Variants in STARD13 observed in about 807,000 individuals in gnomAD.
The protein encoded by STARD13 is StAR related lipid transfer domain containing 13.
In STARD13, 62 loss-of-function variants were observed where a neutral mutation model predicts 106.4. The observed-to-expected ratio is 0.58, with a 90% CI of 0.48 to 0.72. The LOEUF (loss-of-function observed/expected upper bound fraction) is 0.72, where lower values mean the gene tolerates loss of function less well. STARD13 is among the 30% of genes least tolerant of loss of function. The pLI, the probability that STARD13 is intolerant of heterozygous loss-of-function variation, is 0.00. For missense variants in STARD13, 1,387 were observed against 1,424.0 expected, an observed-to-expected ratio of 0.97 and a Z score of 0.42; for synonymous variants, 565 against 553.0, an observed-to-expected ratio of 1.02 and a Z score of -0.31.
chr13:33,601,715 C>A, the STARD13 span, among the ~76,000 whole-genome samples: 10 of 152,130 alleles, frequency 6.6e-5, no homozygotes, highest in Non-Finnish European at 1.2e-4. Context: ...TTTCTATTAC[C>A]CCACACTTCC....
chr13:33,219,820 AAAAAAAGAAAG>A (rs1566081755), intron 1 of STARD13, among the ~76,000 whole-genome samples: 4 of 148,166 alleles, frequency 2.7e-5, no homozygotes, highest in African/African-American at 1.0e-4. Flanking sequence ...AAACAAAAAA[AAAAAAAGAAAG>A]AAAGAAAGAA....
the STARD13 span, among the ~76,000 whole-genome samples, chr13:33,475,582 G>T: frequency 2.8e-4 from 42 of 152,072 alleles, no homozygotes; most frequent in Non-Finnish European, 5.4e-4. Context: ...GAGCATCAAG[G>T]TTTTCCTCCC....
chr13:33,455,363 C>T, the STARD13 span, among the ~76,000 whole-genome samples: 1 of 152,198 alleles, frequency 6.6e-6, no homozygotes, highest in Non-Finnish European at 1.5e-5. Flanking sequence ...GTATAGTTCT[C>T]TAACACAAAA....
the STARD13 span, among the ~76,000 whole-genome samples, chr13:33,390,566 G>A: frequency 6.6e-6 from 1 of 152,118 alleles, no homozygotes; most frequent in Non-Finnish European, 1.5e-5. Flanking sequence ...AAATAAGAGG[G>A]CAAAAATAAA....
intron 1 of STARD13, among the ~76,000 whole-genome samples, chr13:33,189,433 T>TAA (rs1886064077): frequency 2.3e-5 from 1 of 44,390 alleles, no homozygotes; most frequent in Non-Finnish European, 5.0e-5. Context: ...CTTCCTCCTT[T>TAA]CGGAGGAAGG....
chr13:33,169,464 A>G (rs1262769895), intron 1 of STARD13, among the ~76,000 whole-genome samples: 1 of 152,234 alleles, frequency 6.6e-6, no homozygotes, highest in Admixed American at 6.5e-5. Context: ...GTGCTGCCTA[A>G]TAGATTTTCA....
the STARD13 span, among the ~76,000 whole-genome samples, chr13:33,512,592 C>T: frequency 3.9e-5 from 6 of 152,062 alleles, no homozygotes; most frequent in African/African-American, 1.2e-4. Flanking sequence ...CTCAGCCTCC[C>T]GAGTAGTTGG....
At chr13:33,468,824 C>T in the STARD13 span, among the ~76,000 whole-genome samples, 1 of 152,172 alleles carries the variant, frequency 6.6e-6, no homozygotes, top group African/African-American at 2.4e-5. Context: ...GAGTATTTCT[C>T]ACCAACAGAG....
the STARD13 span, chr13:33,656,675 A>T: frequency 2.6e-5 from 4 of 152,194 alleles, no homozygotes; most frequent in Non-Finnish European, 5.9e-5. Context: ...CTTGTTATGG[A>T]TATGTAGCAC....
chr13:33,302,708 T>C (rs1892766745), intron 1 of STARD13, among the ~76,000 whole-genome samples: 1 of 152,200 alleles, frequency 6.6e-6, no homozygotes, highest in African/African-American at 2.4e-5. Flanking sequence ...TGCCTGGCTT[T>C]ATCTCATCTA....
the STARD13 span, among the ~76,000 whole-genome samples, chr13:33,670,754 G>A: frequency 1.3e-5 from 2 of 152,284 alleles, no homozygotes; most frequent in East Asian, 1.9e-4. Flanking sequence ...CCCCCGAGTT[G>A]CTTATAAGCA....
chr13:33,661,653 T>C, the STARD13 span, among the ~76,000 whole-genome samples: 2 of 152,162 alleles, frequency 1.3e-5, 1 homozygote, highest in Admixed American at 1.3e-4. Flanking sequence ...TGCCATGCGC[T>C]TATAAAACCA....
chr13:33,627,677 T>C, the STARD13 span, among the ~76,000 whole-genome samples: 2 of 151,464 alleles, frequency 1.3e-5, no homozygotes, highest in Non-Finnish European at 2.9e-5. Context: ...TCAAGATAGG[T>C]TGAGATTGTC....
the STARD13 span, among the ~76,000 whole-genome samples, chr13:33,569,491 A>C: frequency 6.8e-6 from 1 of 147,792 alleles, no homozygotes; most frequent in Non-Finnish European, 1.5e-5. Context: ...TTCAATTGTG[A>C]GATCAATCTT....
chr13:33,672,471 T>C, the STARD13 span, among the ~76,000 whole-genome samples: 11 of 152,182 alleles, frequency 7.2e-5, no homozygotes, highest in African/African-American at 2.4e-4. Context: ...CCATGGCACA[T>C]GTATTCCTAT....
the STARD13 span, among the ~76,000 whole-genome samples, chr13:33,565,057 A>C: frequency 2.0e-5 from 3 of 147,612 alleles, no homozygotes; most frequent in East Asian, 6.1e-4. Flanking sequence ...TGGAACCAGA[A>C]GTCGTTATGT....
intron 1 of STARD13, among the ~76,000 whole-genome samples, chr13:33,262,641 C>CACACACACACACACA (rs201806046): frequency 7.4e-6 from 1 of 134,632 alleles, no homozygotes; most frequent in African/African-American, 2.9e-5. Flanking sequence ...ACCCAGAACC[C>CACACACACACACACA]CCCCCCCCAC....
At chr13:33,128,783 T>C (rs569716977) in intron 5 of STARD13, 146 bp downstream of exon 5, 2 of 758,854 alleles carry the variant, frequency 2.6e-6, no homozygotes, top group South Asian at 3.8e-5. Context: ...GTCATACTTC[T>C]GTTCAAATAA....
At chr13:33,414,315 A>T in the STARD13 span, among the ~76,000 whole-genome samples, 11 of 152,154 alleles carry the variant, frequency 7.2e-5, no homozygotes, top group African/African-American at 2.7e-4. Flanking sequence ...CACACAGAAA[A>T]ACTTAGGTTC....
Sources: allele counts gnomAD v4.1 joint callset (sites outside exome capture counted in the v4.1 genomes callset), GRCh38; gene constraint gnomAD v4.1.1; transcripts MANE v1.5; gene names NCBI Gene and HGNC (gene_info 2026-07-23, HGNC 2026-07-21).